The following EML5 variants were observed in gnomAD, a reference collection of about 807,000 sequenced individuals.
EML5 encodes the protein echinoderm microtubule-associated protein-like 5.
In EML5, 120 loss-of-function variants were observed where a neutral mutation model predicts 250.0. That is an observed-to-expected ratio of 0.48 (90% confidence interval 0.41 to 0.56). The LOEUF (loss-of-function observed/expected upper bound fraction) is 0.56. Ranked by LOEUF, EML5 falls within the 20% of genes least tolerant of loss-of-function variation. The pLI, the probability that EML5 is intolerant of heterozygous loss-of-function variation, is 0.00. For missense variants in EML5, 2,006 were observed against 2,437.6 expected (o/e 0.82, Z 3.73); for synonymous variants, 771 against 806.5 (o/e 0.96, Z 0.75).
At chr14:88,661,936 T>C (rs2092115119) in intron 24 of EML5, 106 bp from the exon 25 acceptor site, 2 of 1,043,258 alleles carry the variant, frequency 1.9e-6, no homozygotes, top group South Asian at 1.9e-5. Context: ...ACAAGTAAAA[T>C]GAAAGTTTTA....
intron 1 of EML5, among the ~76,000 whole-genome samples, chr14:88,768,086 T>C (rs2094343381): frequency 6.6e-6 from 1 of 152,332 alleles, no homozygotes; most frequent in African/African-American, 2.4e-5. Context: ...AATTTGGATT[T>C]GTCATGGTTT....
At chr14:88,770,391 T>C (rs1009019669) in intron 1 of EML5, among the ~76,000 whole-genome samples, 4 of 152,204 alleles carry the variant, frequency 2.6e-5, no homozygotes, top group Non-Finnish European at 4.4e-5. Context: ...ATTTTATATA[T>C]GGTGAGGTAT....
At chr14:88,655,120 GAAC>G (rs766971302) in intron 27 of EML5, among the ~76,000 whole-genome samples, 2 of 151,634 alleles carry the variant, frequency 1.3e-5, no homozygotes, top group East Asian at 3.9e-4. Flanking sequence ...TCACAGAATT[GAAC>G]TACTGTAAAT....
intron 1 of EML5, among the ~76,000 whole-genome samples, chr14:88,771,316 T>C (rs1305022394): frequency 6.6e-6 from 1 of 152,220 alleles, no homozygotes; most frequent in East Asian, 1.9e-4. Flanking sequence ...TTAAAGAAGA[T>C]ACTTCATTCC....
intron 10 of EML5, among the ~76,000 whole-genome samples, chr14:88,711,843 G>A (rs1168031021): frequency 1.3e-5 from 2 of 152,028 alleles, no homozygotes; most frequent in Non-Finnish European, 2.9e-5. Flanking sequence ...TACCTGGGAA[G>A]CTGAGGCAGG....
chr14:88,651,154 C>CTTTTTTTTTT (rs869045980), intron 27 of EML5, among the ~76,000 whole-genome samples: 11 of 93,138 alleles, frequency 1.2e-4, no homozygotes, highest in East Asian at 7.7e-4. Flanking sequence ...TTGTCATTTT[C>CTTTTTTTTTT]TTTTTTTTTT....
chr14:88,672,972 G>A (rs1388019548), intron 21 of EML5, among the ~76,000 whole-genome samples: 2 of 151,698 alleles, frequency 1.3e-5, no homozygotes, highest in Non-Finnish European at 2.9e-5. Flanking sequence ...AGAGGAGCTG[G>A]TACCATTTCT....
intron 21 of EML5, 136 bp downstream of exon 21, chr14:88,681,754 G>A (rs2141166892): frequency 9.8e-7 from 1 of 1,018,702 alleles, no homozygotes; most frequent in Non-Finnish European, 1.3e-6. Context: ...GTGGCACCAT[G>A]AGCAAGTAGA....
At chr14:88,662,514 C>G (rs900097466) in intron 24 of EML5, among the ~76,000 whole-genome samples, 1 of 149,838 alleles carries the variant, frequency 6.7e-6, no homozygotes, top group Non-Finnish European at 1.5e-5. Context: ...GCAACTGGAG[C>G]ACAGCTAGCC....
At chr14:88,782,154 G>A (rs1281855733) in intron 1 of EML5, among the ~76,000 whole-genome samples, 1 of 152,196 alleles carries the variant, frequency 6.6e-6, no homozygotes, top group African/African-American at 2.4e-5. Context: ...TCCACCCTGA[G>A]GTGGTCTCAG....
intron 33 of EML5, among the ~76,000 whole-genome samples, chr14:88,628,430 T>C (rs1264851025): frequency 1.3e-5 from 2 of 152,064 alleles, no homozygotes; most frequent in African/African-American, 4.8e-5. Context: ...AATGTGGTTA[T>C]TATTAATCTT....
At chr14:88,727,808 T>C (rs1566710000) in intron 7 of EML5, among the ~76,000 whole-genome samples, 1 of 152,198 alleles carries the variant, frequency 6.6e-6, no homozygotes, top group Non-Finnish European at 1.5e-5. Flanking sequence ...CATATGTATA[T>C]ATCCTTATGT....
At position 88,736,526 on chromosome 14, in the gene EML5, A is replaced by T; in HGVS notation, c.887T>A (p.Ile296Asn). 6.2e-7 allele frequency: 1 copy of T among 1,613,996 alleles called. No homozygotes were observed. Among genetic ancestry groups the T allele is most frequent in the Non-Finnish European group, 8.5e-7 (1 of 1,179,894 alleles). Residue 296 changes from isoleucine (I) to asparagine (N), a missense_variant, in exon 7 of 44, where the codon ATT becomes AAT. By Grantham distance (149) the Ile-to-Asn change is moderately radical. Transcript: ENST00000554922. ...VRSVCWRGDH[I>N]LVGTQDSEIF... ...TTCACTGTCCTGTGTTCCAACTAGA[A>T]TGTGGTCACCTCGCCAACACACACT... is the stretch of plus-strand genomic sequence containing the variant.
chr14:88,630,257 C>T (rs1447608587), intron 33 of EML5, among the ~76,000 whole-genome samples: 3 of 151,854 alleles, frequency 2.0e-5, no homozygotes, highest in African/African-American at 2.4e-5. Context: ...CTTGAACTCC[C>T]GGCCTCAGGT....
Position 88,665,339 on chromosome 14 carries a change from G to A in EML5, c.3275C>T (p.Pro1092Leu). Residue 1092 changes from proline to leucine, a missense_variant and splice_region_variant, in exon 22 of 44, where the codon CCT (proline) becomes CTT (leucine). Around this residue, in one of 7 missense-constraint regions of EML5, gnomAD observed 1,375 missense variants for 1,590.3 expected, o/e 0.86. Coordinates refer to ENST00000554922, the MANE Select transcript of EML5 (RefSeq NM_183387.3). ...AATACAATTTCAATGGATCTTACCA[G>A]GTGAAAATCGAATATCTGAAATCAT... ...KDMISDIRFS[P>L]GSGKYLAVAS... 6.2e-7 allele frequency: 1 copy of A among 1,610,162 alleles called. No individual in the cohort carries two copies. Among genetic ancestry groups the A allele is most frequent in the Non-Finnish European group, 8.5e-7 (1 of 1,178,016 alleles).
At chr14:88,634,086 A>T (rs965064767) in intron 33 of EML5, among the ~76,000 whole-genome samples, 4 of 152,172 alleles carry the variant, frequency 2.6e-5, no homozygotes, top group Non-Finnish European at 5.9e-5. Flanking sequence ...CCAGTGTTGG[A>T]GAAGGGGCCT....
intron 27 of EML5, among the ~76,000 whole-genome samples, chr14:88,651,158 T>C (rs1014486508): frequency 3.4e-5 from 5 of 146,436 alleles, no homozygotes; most frequent in South Asian, 2.2e-4. Context: ...CATTTTCTTT[T>C]TTTTTTTTTT....
rs549406263 is a variant in EML5, at chr14:88,646,328, T to A, written c.4028+619A>T. Among the ~76,000 whole-genome samples the A allele has an allele frequency of 3.9e-5, 6 of 152,324 alleles. No homozygotes were observed. In the East Asian group the frequency reaches 1.2e-3, roughly 29 times the overall value. Reference sequence around the variant, plus strand: ...GTAAAATATATAAGCATGACTGGTGTCATAAAAAGTAAACATCCTTTTCAA... The same window carrying A: ...GTAAAATATATAAGCATGACTGGTGACATAAAAAGTAAACATCCTTTTCAA... On this transcript the variant is annotated intron_variant, in intron 29 of 43. Coordinates refer to ENST00000554922, the MANE Select transcript of EML5 (RefSeq NM_183387.3).
At chr14:88,691,319 C>T (rs1365119054) in intron 17 of EML5, among the ~76,000 whole-genome samples, 1 of 152,180 alleles carries the variant, frequency 6.6e-6, no homozygotes, top group African/African-American at 2.4e-5. Flanking sequence ...GTAAGCAGGG[C>T]AGGACAGTTT....
Sources: gnomAD v4.1 joint callset for allele counts (sites outside exome capture counted in the v4.1 genomes callset) on GRCh38, gnomAD v4.1.1 for gene constraint, gnomAD v4.1.1 regional missense constraint, MANE v1.5 for transcripts, NCBI Gene and HGNC (gene_info 2026-07-23, HGNC 2026-07-21) for gene names.